TBC1D15: variants seen among roughly 807,000 people sequenced by gnomAD.
The protein encoded by TBC1D15 is TBC1 domain family member 15.
TBC1D15 carries 39 observed loss-of-function variants against 95.4 expected under a neutral mutation model. That is an observed-to-expected ratio of 0.41 (90% CI 0.32 to 0.53). The LOEUF (loss-of-function observed/expected upper bound fraction) is 0.53. Among genes scored for constraint, TBC1D15 ranks in the 20% least tolerant of loss-of-function variants. The probability of loss-of-function intolerance (pLI) is 0.29; values close to 1 mark genes in which losing one functional copy is unlikely to be tolerated. For missense variants in TBC1D15, 733 were observed against 794.3 expected (o/e 0.92, Z 0.93); for synonymous variants, 258 against 261.3 (o/e 0.99, Z 0.12).
At position 71,872,958 on chromosome 12, in the gene TBC1D15, A is replaced by C; in HGVS notation, c.159A>C (p.Pro53=). The change falls in exon 3 of 17, where the codon CCA becomes CCC. Residue 53 remains proline, a synonymous_variant. Coordinates refer to ENST00000485960, the MANE Select transcript of TBC1D15 (RefSeq NM_001146213.3). Reference sequence around the variant, plus strand: ...CCGAAGTAATAGTGGACTGGAGACCATTGGATGATGCATTAGATTCCTCTA... The same window carrying C: ...CCGAAGTAATAGTGGACTGGAGACCCTTGGATGATGCATTAGATTCCTCTA... The part of the protein sequence containing the change: ...KDAEVIVDWR[P]LDDALDSSSI... 1 of 1,610,350 alleles carries C rather than the reference A, an allele frequency of 6.2e-7. No homozygotes were observed. Among genetic ancestry groups the C allele is most frequent in the Non-Finnish European group, 8.5e-7 (1 of 1,178,714 alleles).
chr12:71,851,164 A>G (rs1330799930), intron 1 of TBC1D15, among the ~76,000 whole-genome samples: 1 of 152,050 alleles, frequency 6.6e-6, no homozygotes, highest in Admixed American at 6.6e-5. Flanking sequence ...GAACAAGCCA[A>G]CACGTCACAT....
At position 71,860,735 on chromosome 12, in the gene TBC1D15, G is replaced by C. The variant is rs182929907; in HGVS notation, c.31-11335G>C. ...TTTTCTTTCTTTCTCTTGCCTAATT[G>C]CTCTGGCTAGGACTTCCAGTACGGT... On this transcript the variant is annotated intron_variant, in intron 1 of 16. Transcript: ENST00000485960. 1.7e-3 allele frequency among the ~76,000 whole-genome samples: 266 copies of C among 152,120 alleles called. 1 individual carries two copies. Among genetic ancestry groups the C allele is most frequent in the Non-Finnish European group, 2.8e-3 (188 of 67,998 alleles).
intron 1 of TBC1D15, chr12:71,850,357 T>C (rs1185148778): frequency 1.7e-5 from 6 of 350,996 alleles, no homozygotes; most frequent in Non-Finnish European, 2.7e-5. Flanking sequence ...TCACCTGCCA[T>C]GTGGAGCCGG....
chr12:71,853,333 T>G (rs937444294), intron 1 of TBC1D15, among the ~76,000 whole-genome samples: 1 of 152,096 alleles, frequency 6.6e-6, no homozygotes. Flanking sequence ...TTCCATTACC[T>G]CCCACCAGGC....
intron 1 of TBC1D15, among the ~76,000 whole-genome samples, chr12:71,864,730 C>A (rs1358934399): frequency 6.6e-6 from 1 of 152,090 alleles, no homozygotes; most frequent in Non-Finnish European, 1.5e-5. Flanking sequence ...TGGTCTTGAA[C>A]TCCTGACCTT....
At chr12:71,885,057 G>T (rs1179282432) in intron 5 of TBC1D15, 36 bp downstream of exon 5, 1 of 1,599,840 alleles carries the variant, frequency 6.3e-7, no homozygotes, top group Admixed American at 1.7e-5. Context: ...ATTGAAACCA[G>T]ATCATTGTAT....
At chr12:71,877,970 A>C (rs535240265) in intron 3 of TBC1D15, among the ~76,000 whole-genome samples, 2 of 152,292 alleles carry the variant, frequency 1.3e-5, no homozygotes, top group Admixed American at 6.5e-5. Flanking sequence ...TATTCTCTGT[A>C]GGTATGGTTA....
intron 4 of TBC1D15, among the ~76,000 whole-genome samples, chr12:71,882,401 T>G (rs1484793992): frequency 1.3e-5 from 2 of 152,208 alleles, no homozygotes; most frequent in Admixed American, 6.5e-5. Context: ...TTAAGGCATA[T>G]AGAGACTTAC....
chr12:71,923,226 G>A lies in TBC1D15; in HGVS notation c.*22G>A. The A allele has an allele frequency of 6.2e-6, 10 of 1,606,326 alleles. No homozygotes were observed. Among genetic ancestry groups the A allele is most frequent in the Non-Finnish European group, 7.7e-6 (9 of 1,173,988 alleles). ...ATGATCACTGTTCTTGCTTTTTTGG[G>A]AAGAGACACTTTGTTGCAACCCTTT... On this transcript the variant is annotated 3_prime_UTR_variant, in exon 17 of 17. Transcript: ENST00000485960.
rs1902603974 is a variant in TBC1D15, at chr12:71,912,417, A to G, written c.1301-1409A>G. Among the ~76,000 whole-genome samples, 3 of 152,024 alleles carry G rather than the reference A, an allele frequency of 2.0e-5. 1 individual carries two copies. Among genetic ancestry groups the G allele is most frequent in the Admixed American group, 1.3e-4 (2 of 15,246 alleles). Reference sequence around the variant, plus strand: ...CACAGGGTGCAGTGTAGACAGAGTGAGGTTAACAGGACTGTGGAAAGATGT... The same window carrying G: ...CACAGGGTGCAGTGTAGACAGAGTGGGGTTAACAGGACTGTGGAAAGATGT... On this transcript the variant is annotated intron_variant, in intron 11 of 16. Transcript: ENST00000485960.
rs140103868 is a variant in TBC1D15, at chr12:71,894,374, A to C, written c.658-312A>C. On this transcript the variant is annotated intron_variant, in intron 6 of 16. Transcript: ENST00000485960. Reference sequence around the variant, plus strand: ...CTGTTGTGGGCCATTCACCACTGGAAAGTAAGCACTGCGTATGTTTTCTGA... The same window carrying C: ...CTGTTGTGGGCCATTCACCACTGGACAGTAAGCACTGCGTATGTTTTCTGA... 6 of 1,612,758 alleles carry C rather than the reference A, an allele frequency of 3.7e-6. No individual in the cohort carries two copies. The African/African-American group carries it at 8.0e-5, about 22-fold the overall frequency.
At position 71,922,900 on chromosome 12, in the gene TBC1D15, G is replaced by A; in HGVS notation, c.1804-83G>A. 9 of 1,247,222 alleles carry A rather than the reference G, an allele frequency of 7.2e-6. No individual in the cohort carries two copies. In the South Asian group the frequency reaches 1.2e-4, roughly 17 times the overall value. The allele number at this position is 1,247,222 out of a possible 1,614,324, so 77.3% of individuals were successfully genotyped here. On this transcript the variant is annotated intron_variant, in intron 16 of 16. Coordinates refer to ENST00000485960, the MANE Select transcript of TBC1D15 (RefSeq NM_001146213.3). The stretch of plus-strand genomic sequence containing the variant: ...CAAATGCTCAGATTCTGGAATCAAT[G>A]TAGTCTTAAACAGAAGTGTTACTTT...
chr12:71,879,503 A>G (rs889074152), intron 3 of TBC1D15, among the ~76,000 whole-genome samples: 9 of 152,032 alleles, frequency 5.9e-5, no homozygotes, highest in East Asian at 1.9e-4. Context: ...ATTTTTATGT[A>G]TGTATGTGTT....
chr12:71,902,773 CA>C (rs1179804410), intron 10 of TBC1D15, among the ~76,000 whole-genome samples: 2 of 152,172 alleles, frequency 1.3e-5, no homozygotes, highest in Non-Finnish European at 2.9e-5. Context: ...AACTATCAAT[CA>C]ACAGGGTAAA....
chr12:71,879,171 C>CACCT, intron 3 of TBC1D15, among the ~76,000 whole-genome samples: 1 of 150,030 alleles, frequency 6.7e-6, no homozygotes, highest in Non-Finnish European at 1.5e-5. Context: ...TCGCTCTTGT[C>CACCT]ACCTAGGCTG....
At chr12:71,844,396 A>C (rs1176977019) in intron 1 of TBC1D15, among the ~76,000 whole-genome samples, 3 of 152,202 alleles carry the variant, frequency 2.0e-5, no homozygotes, top group African/African-American at 7.2e-5. Flanking sequence ...GGTTTCAATC[A>C]TGCAGTGAAC....
Position 71,868,620 on chromosome 12 carries a change from T to A in TBC1D15, c.31-3450T>A, listed in dbSNP as rs988310501. Reference sequence around the variant, plus strand: ...CCCAGCTAAACTACTTAGGAAACTCTTTCAACTTTTTCTTAAGTGAAAAAA... The same window carrying A: ...CCCAGCTAAACTACTTAGGAAACTCATTCAACTTTTTCTTAAGTGAAAAAA... On this transcript the variant is annotated intron_variant, in intron 1 of 16. Coordinates refer to ENST00000485960, the MANE Select transcript of TBC1D15 (RefSeq NM_001146213.3). Among the ~76,000 whole-genome samples the A allele has an allele frequency of 4.3e-4, 65 of 152,174 alleles. 2 individuals are homozygous for A. Among genetic ancestry groups the A allele is most frequent in the Non-Finnish European group, 1.5e-5 (1 of 68,032 alleles).
chr12:71,887,232 CA>C (rs992213407), intron 5 of TBC1D15, among the ~76,000 whole-genome samples: 1 of 152,040 alleles, frequency 6.6e-6, no homozygotes, highest in Non-Finnish European at 1.5e-5. Flanking sequence ...TCAAGTTGAT[CA>C]ACTACTATTT....
At chr12:71,901,370 T>C (rs929214900) in intron 10 of TBC1D15, among the ~76,000 whole-genome samples, 7 of 152,156 alleles carry the variant, frequency 4.6e-5, no homozygotes. Context: ...TGGGAAAAAC[T>C]GTTAGAGAAG....
Sources: gnomAD v4.1 joint callset for allele counts (sites outside exome capture counted in the v4.1 genomes callset) on GRCh38, gnomAD v4.1.1 for gene constraint, MANE v1.5 for transcripts, NCBI Gene and HGNC (gene_info 2026-07-23, HGNC 2026-07-21) for gene names.